The following CTNNA3 variants were observed in gnomAD, a reference collection of about 807,000 sequenced individuals.
CTNNA3 encodes catenin alpha-3.
A neutral mutation model predicts 95.7 loss-of-function variants in CTNNA3; 76 were observed. The ratio of observed to expected loss-of-function variants is 0.79; its 90% confidence interval spans 0.66 to 0.96. CTNNA3 has a LOEUF of 0.96. CTNNA3 is among the 40% of genes least tolerant of loss of function. The probability of loss-of-function intolerance (pLI) is 0.00; values close to 1 mark genes in which losing one functional copy is unlikely to be tolerated. For missense variants in CTNNA3, 1,191 were observed against 1,089.8 expected (o/e 1.09, Z -1.31); for synonymous variants, 431 against 374.4 (o/e 1.15, Z -1.74).
At chr10:66,603,625 G>A (rs1025416685) in intron 10 of CTNNA3, among the ~76,000 whole-genome samples, 1 of 151,982 alleles carries the variant, frequency 6.6e-6, no homozygotes, top group Non-Finnish European at 1.5e-5. Context: ...AATAGTTAAA[G>A]CAATCCTCAG....
intron 12 of CTNNA3, among the ~76,000 whole-genome samples, chr10:66,343,536 T>G (rs1174728725): frequency 6.6e-6 from 1 of 151,726 alleles, no homozygotes; most frequent in East Asian, 1.9e-4. Context: ...AAAGTTGATC[T>G]CATAGAAGTA....
At chr10:67,227,177 T>C (rs1864965822) in intron 5 of CTNNA3, among the ~76,000 whole-genome samples, 3 of 151,344 alleles carry the variant, frequency 2.0e-5, no homozygotes, top group African/African-American at 7.3e-5. Context: ...CCACAACCTC[T>C]GCCTCCCAGT....
At chr10:67,242,644 A>AT (rs1865758949) in intron 5 of CTNNA3, among the ~76,000 whole-genome samples, 1 of 152,218 alleles carries the variant, frequency 6.6e-6, no homozygotes, top group African/African-American at 2.4e-5. Context: ...TGTGAGCCTT[A>AT]TTAATTCAGT....
At chr10:67,340,943 C>T (rs1000687926) in intron 5 of CTNNA3, among the ~76,000 whole-genome samples, 4 of 151,926 alleles carry the variant, frequency 2.6e-5, no homozygotes, top group African/African-American at 9.7e-5. Flanking sequence ...GAAGTAGAAG[C>T]GTAAACAGAG....
chr10:67,235,649 C>G (rs367926680), intron 5 of CTNNA3, among the ~76,000 whole-genome samples: 2 of 134,440 alleles, frequency 1.5e-5, no homozygotes, highest in East Asian at 4.6e-4. Context: ...GCAACAAAAG[C>G]CAAAATTGAC....
intron 7 of CTNNA3, among the ~76,000 whole-genome samples, chr10:66,865,910 C>T (rs117025962): frequency 0.02 from 2,969 of 151,932 alleles, 39 homozygotes; most frequent in Non-Finnish European, 0.032. Flanking sequence ...ATAAAATTTA[C>T]GTTTTGCTTT....
chr10:67,638,402 T>A (rs1013520692), intron 2 of CTNNA3, among the ~76,000 whole-genome samples: 12 of 151,908 alleles, frequency 7.9e-5, no homozygotes, highest in Non-Finnish European at 1.8e-4. Flanking sequence ...TCCCACACAA[T>A]AATAATGGGA....
At chr10:66,019,150 C>T (rs2079151370) in intron 15 of CTNNA3, among the ~76,000 whole-genome samples, 1 of 151,986 alleles carries the variant, frequency 6.6e-6, no homozygotes, top group African/African-American at 2.4e-5. Context: ...TAACAATTAC[C>T]ACAGGACCAG....
chr10:66,705,374 G>A (rs1206896368), intron 9 of CTNNA3, among the ~76,000 whole-genome samples: 6 of 151,966 alleles, frequency 3.9e-5, no homozygotes, highest in Admixed American at 6.6e-5. Flanking sequence ...CTCAGAGAAC[G>A]AGTTGGGAAG....
Position 66,348,894 on chromosome 10 carries a change from T to C in CTNNA3, c.1732+30258A>G, listed in dbSNP as rs147112027. 5.5e-3 allele frequency among the ~76,000 whole-genome samples: 842 copies of C among 152,212 alleles called. 7 individuals are homozygous for C. Among genetic ancestry groups the C allele is most frequent in the African/African-American group, 0.019 (787 of 41,554 alleles). ...GCTTCTACTGGTACCAGGGGATTTA[T>C]GGTTTAGGCATAAGATTTAGGCTTG... On this transcript the variant is annotated intron_variant, in intron 12 of 17. Transcript: ENST00000433211.
chr10:66,634,975 C>T (rs1215178501), intron 9 of CTNNA3, among the ~76,000 whole-genome samples: 1 of 152,078 alleles, frequency 6.6e-6, no homozygotes, highest in Non-Finnish European at 1.5e-5. Context: ...GCAATGTAGA[C>T]TGCTCTAAGA....
chr10:66,727,263 T>C (rs1157522821), intron 9 of CTNNA3, among the ~76,000 whole-genome samples: 2 of 151,850 alleles, frequency 1.3e-5, no homozygotes, highest in African/African-American at 4.8e-5. Flanking sequence ...GATACAAACA[T>C]TAAAAAAAAG....
chr10:67,177,903 G>A (rs989551990), intron 7 of CTNNA3, among the ~76,000 whole-genome samples: 7 of 152,124 alleles, frequency 4.6e-5, no homozygotes, highest in African/African-American at 9.7e-5. Context: ...TGTGATATGT[G>A]TTTATTATAC....
intron 7 of CTNNA3, among the ~76,000 whole-genome samples, chr10:66,845,521 T>C (rs1343775225): frequency 6.6e-6 from 1 of 151,076 alleles, no homozygotes; most frequent in African/African-American, 2.4e-5. Flanking sequence ...CTGACCAACA[T>C]GGAGAAACCC....
intron 10 of CTNNA3, among the ~76,000 whole-genome samples, chr10:66,599,434 A>C (rs1843839869): frequency 6.6e-6 from 1 of 151,944 alleles, no homozygotes; most frequent in South Asian, 2.1e-4. Context: ...TCATGGCTGT[A>C]CTATTCCCTT....
At chr10:66,466,577 G>C (rs1209376376) in intron 11 of CTNNA3, among the ~76,000 whole-genome samples, 2 of 151,954 alleles carry the variant, frequency 1.3e-5, no homozygotes, top group African/African-American at 4.8e-5. Flanking sequence ...TTCTGGGTCA[G>C]TTTCTATGTT....
chr10:66,890,510 T>C (rs1589381781), intron 7 of CTNNA3, among the ~76,000 whole-genome samples: 1 of 151,756 alleles, frequency 6.6e-6, no homozygotes, highest in South Asian at 2.1e-4. Context: ...TGGTGAGAGA[T>C]GGGGTAAGAT....
intron 4 of CTNNA3, among the ~76,000 whole-genome samples, chr10:67,539,142 G>A (rs1364736505): frequency 6.6e-6 from 1 of 151,770 alleles, no homozygotes; most frequent in Admixed American, 6.6e-5. Flanking sequence ...TCAACTTTAA[G>A]GTTTCTATTT....
chr10:66,502,806 G>A (rs1236222009), intron 11 of CTNNA3, among the ~76,000 whole-genome samples: 1 of 152,014 alleles, frequency 6.6e-6, no homozygotes, highest in Non-Finnish European at 1.5e-5. Context: ...AAACCTAGAG[G>A]GGGATTCCTG....
Sources: allele counts gnomAD v4.1 joint callset (sites outside exome capture counted in the v4.1 genomes callset), GRCh38; gene constraint gnomAD v4.1.1; transcripts MANE v1.5; gene names NCBI Gene and HGNC (gene_info 2026-07-23, HGNC 2026-07-21).